The following DGKB variants were observed in gnomAD, a reference collection of about 807,000 sequenced individuals.
The protein encoded by DGKB is 90 kDa diacylglycerol kinase.
Under a neutral mutation model 114.3 loss-of-function variants are expected in DGKB, and 67 were observed. That is an observed-to-expected ratio of 0.59 (90% CI 0.48 to 0.72). The LOEUF (loss-of-function observed/expected upper bound fraction) is 0.72. Ranked by LOEUF, DGKB falls within the 30% of genes least tolerant of loss-of-function variation. The pLI is 0.00. For synonymous variants in DGKB, 398 were observed against 323.1 expected, an observed-to-expected ratio of 1.23 and a Z score of -2.49; for missense variants, 907 against 975.2, an observed-to-expected ratio of 0.93 and a Z score of 0.93.
At chr7:14,225,939 T>G in intron 23 of DGKB, among the ~76,000 whole-genome samples, 1 of 151,986 alleles carries the variant, frequency 6.6e-6, no homozygotes, top group East Asian at 1.9e-4. Context: ...TTAAAAATAT[T>G]ACTGTCCTCT....
intron 21 of DGKB, among the ~76,000 whole-genome samples, chr7:14,371,223 A>G (rs6953607): frequency 0.013 from 1,944 of 152,228 alleles, 43 homozygotes; most frequent in African/African-American, 0.045. Flanking sequence ...TTCTGTTTTA[A>G]GTTCTTTGAG....
At chr7:14,823,817 G>C (rs766925275) in intron 2 of DGKB, among the ~76,000 whole-genome samples, 17 of 152,092 alleles carry the variant, frequency 1.1e-4, no homozygotes, top group Non-Finnish European at 2.4e-4. Context: ...AATTTCATCA[G>C]TTGCCCTTGC....
At chr7:14,307,002 G>T (rs1322831705) in intron 23 of DGKB, among the ~76,000 whole-genome samples, 1 of 151,870 alleles carries the variant, frequency 6.6e-6, no homozygotes, top group Non-Finnish European at 1.5e-5. Context: ...AACAGATTTG[G>T]TGCCCTTAGT....
rs567024760 is a variant in DGKB at position 14,619,887 on chromosome 7, T to C, written c.1284+1491A>G. Among the ~76,000 whole-genome samples, 4 of 151,680 alleles carry C rather than the reference T, an allele frequency of 2.6e-5. No homozygotes were observed. The East Asian group carries it at 5.8e-4, about 22-fold the overall frequency. On this transcript the variant is annotated intron_variant, in intron 15 of 25. Transcript: ENST00000402815. ...GCTATCCTATTTAACAAATGATATA[T>C]GCTTCCCATCTGTGATGAGAAGTAT... is the stretch of plus-strand genomic sequence containing the variant.
chr7:14,769,070 T>TAAGAAAGAAAGA lies in DGKB; in HGVS notation c.71-11351_71-11340dup, dbSNP rs5882458. 5.3e-3 allele frequency among the ~76,000 whole-genome samples: 443 copies of TAAGAAAGAAAGA among 84,296 alleles called. 5 individuals are homozygous for TAAGAAAGAAAGA. Among genetic ancestry groups the TAAGAAAGAAAGA allele is most frequent in the East Asian group, 8.1e-3 (25 of 3,080 alleles). The allele number at this position is 84,296 out of a possible 152,430, so 55.3% of individuals were successfully genotyped here. On this transcript the variant is annotated intron_variant, in intron 2 of 25. Coordinates refer to ENST00000402815, the MANE Select transcript of DGKB (RefSeq NM_001350709.2). The stretch of plus-strand genomic sequence containing the variant: ...TACACTGTGTAAACATTTTTAAAGA[T>TAAGAAAGAAAGA]AAGAAAGAAAGAAAGAAAGAAAGAA...
At chr7:14,180,175 ATT>A (rs948613063) in intron 23 of DGKB, among the ~76,000 whole-genome samples, 7 of 143,966 alleles carry the variant, frequency 4.9e-5, no homozygotes, top group African/African-American at 1.9e-4. Context: ...AGTATTGTAG[ATT>A]TTGCACGGCC....
At chr7:14,482,354 T>G (rs2128914215) in intron 20 of DGKB, among the ~76,000 whole-genome samples, 1 of 152,166 alleles carries the variant, frequency 6.6e-6, no homozygotes, top group African/African-American at 2.4e-5. Flanking sequence ...TAAGATGAAG[T>G]ATATGAGGAA....
intron 13 of DGKB, among the ~76,000 whole-genome samples, chr7:14,649,558 C>T (rs1424594497): frequency 6.6e-6 from 1 of 152,084 alleles, no homozygotes; most frequent in Non-Finnish European, 1.5e-5. Context: ...AATGTAAAGA[C>T]CATCAACACT....
At chr7:14,904,038 T>A (rs1011672808), upstream of DGKB, among the ~76,000 whole-genome samples, 1 of 152,202 alleles carries the variant, frequency 6.6e-6, no homozygotes, top group South Asian at 2.1e-4. Flanking sequence ...GCTGCTCTCA[T>A]TAATCTCCAA....
At chr7:14,149,315 C>T (rs1053992216) in intron 25 of DGKB, 77 bp from the exon 26 acceptor site, 92 of 1,042,558 alleles carry the variant, frequency 8.8e-5, no homozygotes, top group Non-Finnish European at 8.7e-5. Flanking sequence ...TTGTGAGACT[C>T]TCTGTTAAGG....
At chr7:14,660,695 A>G (rs189125570) in intron 13 of DGKB, among the ~76,000 whole-genome samples, 1 of 152,014 alleles carries the variant, frequency 6.6e-6, no homozygotes, top group African/African-American at 2.4e-5. Flanking sequence ...CAGAATTGGA[A>G]AAAACTACTT....
At chr7:14,294,916 G>A (rs1008258694) in intron 23 of DGKB, among the ~76,000 whole-genome samples, 3 of 152,154 alleles carry the variant, frequency 2.0e-5, no homozygotes, top group Admixed American at 2.0e-4. Context: ...GTTCAAAAGA[G>A]GCTAAGCAGA....
chr7:14,775,897 G>A (rs757109280), intron 2 of DGKB, among the ~76,000 whole-genome samples: 13 of 152,098 alleles, frequency 8.5e-5, no homozygotes, highest in Non-Finnish European at 1.6e-4. Context: ...AAGTGACTTT[G>A]GAACTGGGTA....
At chr7:14,228,522 T>C (rs1791189980) in intron 23 of DGKB, among the ~76,000 whole-genome samples, 1 of 151,904 alleles carries the variant, frequency 6.6e-6, no homozygotes, top group Non-Finnish European at 1.5e-5. Context: ...GAGCTGTTTA[T>C]AGTACACACA....
chr7:14,823,139 A>G (rs1360113318), intron 2 of DGKB, among the ~76,000 whole-genome samples: 3 of 151,984 alleles, frequency 2.0e-5, no homozygotes, highest in East Asian at 1.9e-4. Context: ...TAAAAAAACT[A>G]TTCAAAATTT....
intron 1 of DGKB, among the ~76,000 whole-genome samples, chr7:14,920,675 T>C (rs955468653): frequency 6.6e-6 from 1 of 152,128 alleles, no homozygotes. Context: ...AAAACTTATG[T>C]CCACACAAAA....
chr7:14,574,902 T>C (rs146372695), intron 19 of DGKB, among the ~76,000 whole-genome samples: 35 of 152,332 alleles, frequency 2.3e-4, no homozygotes, highest in African/African-American at 7.9e-4. Context: ...TTATTCTGTC[T>C]ACTCAGGGTG....
intron 1 of DGKB, among the ~76,000 whole-genome samples, chr7:14,923,863 T>C (rs1784623328): frequency 6.6e-6 from 1 of 151,244 alleles, no homozygotes; most frequent in Non-Finnish European, 1.5e-5. Context: ...GGTGTGGTGG[T>C]GCATGCCTGT....
intron 2 of DGKB, among the ~76,000 whole-genome samples, chr7:14,822,301 G>A (rs1845056853): frequency 6.6e-6 from 1 of 152,092 alleles, no homozygotes; most frequent in Admixed American, 6.6e-5. Context: ...CAGAGGAAAT[G>A]AAAGTTAAGT....
Sources: gnomAD v4.1 joint callset for allele counts (sites outside exome capture counted in the v4.1 genomes callset) on GRCh38, gnomAD v4.1.1 for gene constraint, MANE v1.5 for transcripts, NCBI Gene and HGNC (gene_info 2026-07-23, HGNC 2026-07-21) for gene names.